TMEM74: variants seen among roughly 807,000 people sequenced by gnomAD.
TMEM74 encodes transmembrane protein 74.
TMEM74 carries 13 observed loss-of-function variants against 18.1 expected under a neutral mutation model. That is an observed-to-expected ratio of 0.72 (90% CI 0.47 to 1.14). TMEM74 has a LOEUF of 1.14. Among genes scored for constraint, TMEM74 ranks in the 50% most tolerant of loss-of-function variants. TMEM74 has a pLI of 0.00. For missense variants in TMEM74, 372 were observed against 375.9 expected (o/e 0.99, Z 0.09); for synonymous variants, 159 against 146.6 (o/e 1.08, Z -0.61).
chr8:108,632,115 A>G (rs1812558566), intron 2 of TMEM74, among the ~76,000 whole-genome samples: 1 of 152,000 alleles, frequency 6.6e-6, no homozygotes, highest in African/African-American at 2.4e-5. Context: ...ATAAGAATGC[A>G]CAGGAAGGAC....
intron 1 of TMEM74, among the ~76,000 whole-genome samples, chr8:108,692,604 T>C (rs939493695): frequency 6.6e-6 from 1 of 152,174 alleles, no homozygotes; most frequent in African/African-American, 2.4e-5. Context: ...ATCTACAAAA[T>C]GACCTATATG....
intron 1 of TMEM74, among the ~76,000 whole-genome samples, chr8:108,710,905 G>GCCTT (rs1813468153): frequency 2.0e-5 from 3 of 152,154 alleles, no homozygotes; most frequent in Admixed American, 6.5e-5. Context: ...CAAATGATGA[G>GCCTT]CCTTCCCATG....
At position 108,784,798 on chromosome 8, in the gene TMEM74, T is replaced by A. The variant is rs757148045; in HGVS notation, c.301A>T (p.Asn101Tyr). 2 of 1,614,226 alleles carry A rather than the reference T, an allele frequency of 1.2e-6. No individual in the cohort carries two copies. The highest frequency in any genetic ancestry group is 1.7e-6 in the Non-Finnish European group (2 of 1,180,036). Residue 101 changes from asparagine to tyrosine, a missense_variant, in exon 2 of 2, where the codon AAC becomes TAC. Physicochemically the swap from Asn to Tyr is moderately radical, Grantham distance 143. Transcript: ENST00000297459. ...GTTTCTAATTCCTGGCTGCAGCAGTTACAGACTTTCCGTTCCGCTGTTATT... is the reference window on the plus strand; with the variant it reads ...GTTTCTAATTCCTGGCTGCAGCAGTAACAGACTTTCCGTTCCGCTGTTATT... Reference protein sequence around the residue: ...NQITAERKVCNCCSQELETSF... With the variant: ...NQITAERKVCYCCSQELETSF...
At chr8:108,760,187 G>GGAGA (rs1181537099) in intron 1 of TMEM74, among the ~76,000 whole-genome samples, 10 of 144,612 alleles carry the variant, frequency 6.9e-5, no homozygotes, top group South Asian at 2.2e-4. Context: ...AGAGAGAGAG[G>GGAGA]GAGAGAGAGA....
chr8:108,701,569 C>T (rs1486545232), intron 1 of TMEM74, among the ~76,000 whole-genome samples: 2 of 152,134 alleles, frequency 1.3e-5, no homozygotes, highest in Admixed American at 6.5e-5. Flanking sequence ...GAATAACATA[C>T]AAAGGTCAAT....
chr8:108,706,414 A>T (rs1813396566), intron 1 of TMEM74, among the ~76,000 whole-genome samples: 1 of 152,026 alleles, frequency 6.6e-6, no homozygotes, highest in African/African-American at 2.4e-5. Flanking sequence ...ATGTATCTAT[A>T]ATACCTGGAA....
intron 1 of TMEM74, among the ~76,000 whole-genome samples, chr8:108,751,293 C>G (rs531400251): frequency 1.3e-5 from 2 of 152,040 alleles, no homozygotes; most frequent in African/African-American, 2.4e-5. Context: ...AGGGAGAGGC[C>G]GAGGTCCAGT....
At chr8:108,758,110 T>G (rs1305623689) in intron 1 of TMEM74, among the ~76,000 whole-genome samples, 3 of 152,022 alleles carry the variant, frequency 2.0e-5, no homozygotes, top group Admixed American at 2.0e-4. Context: ...AACCTACAAG[T>G]AAATTTAACA....
At chr8:108,608,979 C>T (rs1002857614) in intron 2 of TMEM74, among the ~76,000 whole-genome samples, 1 of 152,110 alleles carries the variant, frequency 6.6e-6, no homozygotes, top group African/African-American at 2.4e-5. Flanking sequence ...CTTAGGTAAA[C>T]AAACAAATAA....
chr8:108,667,604 A>G (rs528910389), intron 1 of TMEM74, among the ~76,000 whole-genome samples: 18 of 152,294 alleles, frequency 1.2e-4, no homozygotes, highest in East Asian at 7.7e-4. Flanking sequence ...CCATGATAAT[A>G]TAGTTATGAT....
At chr8:108,739,174 A>T (rs1438826003) in intron 1 of TMEM74, among the ~76,000 whole-genome samples, 5 of 152,204 alleles carry the variant, frequency 3.3e-5, no homozygotes, top group Admixed American at 1.3e-4. Context: ...TCCTCATTTG[A>T]CTAAACTTTT....
intron 1 of TMEM74, among the ~76,000 whole-genome samples, chr8:108,718,997 T>C (rs1813558345): frequency 6.6e-6 from 1 of 151,760 alleles, no homozygotes; most frequent in Non-Finnish European, 1.5e-5. Context: ...TATATACGTA[T>C]ATATACACAT....
At chr8:108,706,320 T>G (rs1813395640) in intron 1 of TMEM74, among the ~76,000 whole-genome samples, 3 of 152,222 alleles carry the variant, frequency 2.0e-5, no homozygotes, top group Non-Finnish European at 2.9e-5. Flanking sequence ...TAAACCAAAA[T>G]GGGAGGATGT....
At chr8:108,764,577 G>A (rs985942199) in intron 1 of TMEM74, among the ~76,000 whole-genome samples, 1 of 152,108 alleles carries the variant, frequency 6.6e-6, no homozygotes, top group Admixed American at 6.5e-5. Context: ...TCCTCTGTAT[G>A]CACAAGTTGG....
intron 2 of TMEM74, among the ~76,000 whole-genome samples, chr8:108,609,230 A>G (rs1447438753): frequency 2.0e-5 from 3 of 152,222 alleles, no homozygotes; most frequent in Admixed American, 6.5e-5. Flanking sequence ...GGTAAGATTT[A>G]TTTGATTTCT....
At chr8:108,611,561 T>C (rs1812333917) in intron 2 of TMEM74, among the ~76,000 whole-genome samples, 1 of 152,200 alleles carries the variant, frequency 6.6e-6, no homozygotes. Flanking sequence ...ATAGTGCTCT[T>C]GCTGGAATGA....
intron 1 of TMEM74, among the ~76,000 whole-genome samples, chr8:108,669,899 A>G (rs749491953): frequency 6.6e-6 from 1 of 152,116 alleles, no homozygotes; most frequent in South Asian, 2.1e-4. Flanking sequence ...TTAGCCAGGC[A>G]TGGTGATGCA....
At chr8:108,625,758 C>T (rs527977926) in intron 2 of TMEM74, among the ~76,000 whole-genome samples, 2 of 152,056 alleles carry the variant, frequency 1.3e-5, no homozygotes, top group South Asian at 2.1e-4. Flanking sequence ...TTTTAAGTCT[C>T]TCTACCCAAT....
At chr8:108,725,607 T>A (rs184699263) in intron 1 of TMEM74, among the ~76,000 whole-genome samples, 37 of 152,250 alleles carry the variant, frequency 2.4e-4, no homozygotes, top group Middle Eastern at 3.4e-3. Flanking sequence ...TACTCAGCTA[T>A]CCTAAGACAG....
Sources: gnomAD v4.1 joint callset for allele counts (sites outside exome capture counted in the v4.1 genomes callset) on GRCh38, gnomAD v4.1.1 for gene constraint, MANE v1.5 for transcripts, NCBI Gene and HGNC (gene_info 2026-07-23, HGNC 2026-07-21) for gene names.